Variants in OXR1 observed in about 807,000 individuals in gnomAD.
OXR1 encodes oxidation resistance 1.
In OXR1, 41 loss-of-function variants were observed where a neutral mutation model predicts 104.6. The observed-to-expected ratio is 0.39, with a 90% CI of 0.31 to 0.51. The LOEUF is 0.51. OXR1 is among the 20% of genes least tolerant of loss of function. The pLI is 0.77. For synonymous variants in OXR1, 348 were observed against 348.4 expected (o/e 1.00, Z 0.01); for missense variants, 955 against 1,031.9 (o/e 0.93, Z 1.02).
At position 106,734,962 on chromosome 8, in the gene OXR1, A is replaced by G. The variant is rs1834235353; in HGVS notation, c.1957-2558A>G. Among the ~76,000 whole-genome samples the G allele has an allele frequency of 3.9e-5, 6 of 152,182 alleles. No homozygotes were observed. In the South Asian group the frequency reaches 1.2e-3, roughly 32 times the overall value. ...TGGTTTTCTCAACTGTTTACTCCTAATAATTCAGAGCGTGATAAGGGATAT... is the reference window on the plus strand; with the variant it reads ...TGGTTTTCTCAACTGTTTACTCCTAGTAATTCAGAGCGTGATAAGGGATAT... On this transcript the variant is annotated intron_variant, in intron 11 of 16. Transcript: ENST00000517566.
At chr8:106,277,549 AAG>A (rs898244900) in intron 1 of OXR1, among the ~76,000 whole-genome samples, 35 of 152,216 alleles carry the variant, frequency 2.3e-4, no homozygotes, top group African/African-American at 7.5e-4. Flanking sequence ...GAGGAAAAAA[AAG>A]AGAGACATGA....
At chr8:106,634,455 A>G (rs1822967872) in intron 3 of OXR1, among the ~76,000 whole-genome samples, 1 of 152,216 alleles carries the variant, frequency 6.6e-6, no homozygotes, top group African/African-American at 2.4e-5. Flanking sequence ...TGTAGGTACT[A>G]TTATACCCAT....
At chr8:106,630,123 T>G (rs1242590190) in intron 3 of OXR1, among the ~76,000 whole-genome samples, 2 of 151,138 alleles carry the variant, frequency 1.3e-5, no homozygotes, top group African/African-American at 4.8e-5. Context: ...TCTGTAGATA[T>G]AAAAGGCAAA....
intron 2 of OXR1, among the ~76,000 whole-genome samples, chr8:106,489,576 G>T (rs1810938343): frequency 2.0e-5 from 3 of 151,960 alleles, no homozygotes; most frequent in Admixed American, 6.6e-5. Flanking sequence ...GCCATTTTGA[G>T]GACTGTATTG....
intron 3 of OXR1, among the ~76,000 whole-genome samples, chr8:106,624,966 A>AT (rs748555981): frequency 6.6e-6 from 1 of 151,822 alleles, no homozygotes; most frequent in Non-Finnish European, 1.5e-5. Context: ...TAATTTTTCT[A>AT]TTTTTTGTAG....
At chr8:106,328,411 G>A (rs1416683159) in intron 1 of OXR1, among the ~76,000 whole-genome samples, 1 of 152,152 alleles carries the variant, frequency 6.6e-6, no homozygotes, top group African/African-American at 2.4e-5. Context: ...ACAATAAAGG[G>A]AAAGATTATG....
intron 11 of OXR1, among the ~76,000 whole-genome samples, chr8:106,720,273 G>C (rs1001339155): frequency 3.9e-5 from 6 of 152,158 alleles, no homozygotes; most frequent in Admixed American, 1.3e-4. Flanking sequence ...TCACAAATCA[G>C]ACCAATTAAA....
chr8:106,610,101 A>AT (rs34420371), intron 3 of OXR1, among the ~76,000 whole-genome samples: 20,406 of 140,958 alleles, frequency 0.14, 1,572 homozygotes, highest in East Asian at 0.35. Flanking sequence ...CAACCTTTTG[A>AT]TTTTTTTTTT....
intron 2 of OXR1, among the ~76,000 whole-genome samples, chr8:106,426,920 T>G (rs1428290160): frequency 1.3e-5 from 2 of 152,338 alleles, no homozygotes; most frequent in East Asian, 3.9e-4. Context: ...TAGAAATATT[T>G]TTGAAATTAT....
intron 3 of OXR1, among the ~76,000 whole-genome samples, chr8:106,582,236 A>G (rs1418145922): frequency 6.8e-6 from 1 of 148,042 alleles, no homozygotes; most frequent in East Asian, 2.0e-4. Context: ...GAAGGTAAAT[A>G]CTGATCAAAA....
intron 2 of OXR1, among the ~76,000 whole-genome samples, chr8:106,443,231 C>T (rs1479850341): frequency 2.0e-5 from 3 of 152,102 alleles, no homozygotes; most frequent in Non-Finnish European, 1.5e-5. Flanking sequence ...GTTTCTTAAT[C>T]CTGAGTTCTA....
intron 1 of OXR1, among the ~76,000 whole-genome samples, chr8:106,316,685 C>G (rs1045565552): frequency 8.6e-6 from 1 of 116,488 alleles, no homozygotes; most frequent in Non-Finnish European, 1.7e-5. Context: ...GTTTTTCTCT[C>G]TTTTTTTCTA....
rs192326861 is a variant in OXR1, at chr8:106,445,890, T to C, written c.24-73053T>C. On this transcript the variant is annotated intron_variant, in intron 2 of 16. Transcript: ENST00000517566. ...GTTTGTGGAGCCAGGCTATGTCCTT[T>C]CTTAAAAACAAGTTGACTTTAATTT... Among the ~76,000 whole-genome samples the C allele has an allele frequency of 4.8e-3, 730 of 152,338 alleles. 2 individuals carry two copies. The highest frequency in any genetic ancestry group is 8.5e-3 in the Non-Finnish European group (576 of 68,030).
intron 2 of OXR1, among the ~76,000 whole-genome samples, chr8:106,421,717 A>G (rs1818913601): frequency 7.6e-6 from 1 of 131,328 alleles, no homozygotes; most frequent in Non-Finnish European, 1.6e-5. Context: ...ATAAATAAAC[A>G]TGAAGAAAGA....
chr8:106,660,197 G>A (rs908245975), intron 3 of OXR1, among the ~76,000 whole-genome samples: 1 of 152,316 alleles, frequency 6.6e-6, no homozygotes. Context: ...GAGAGGCAAC[G>A]TGTATATACA....
In OXR1 at chr8:106,274,867, C is replaced by T. The variant is rs115646816; in HGVS notation, c.-139+4500C>T. 9.7e-3 allele frequency among the ~76,000 whole-genome samples: 1,481 copies of T among 152,330 alleles called. 15 individuals carry two copies. Among genetic ancestry groups the T allele is most frequent in the African/African-American group, 0.032 (1,341 of 41,566 alleles). On this transcript the variant is annotated intron_variant, in intron 1 of 16. Coordinates refer to ENST00000517566, the MANE Select transcript of OXR1 (RefSeq NM_001198533.2). ...AAAGATGACTTCAGTGTAAGCAACA[C>T]TGGTACTGATAGAATGCACCTGTCA...
chr8:106,539,137 A>G (rs760803373), intron 3 of OXR1, among the ~76,000 whole-genome samples: 7 of 152,190 alleles, frequency 4.6e-5, no homozygotes, highest in Non-Finnish European at 8.8e-5. Context: ...TCAACTCTGT[A>G]TAAACCATAA....
chr8:106,367,317 C>A (rs142423802), intron 2 of OXR1, among the ~76,000 whole-genome samples: 4,816 of 152,080 alleles, frequency 0.032, 97 homozygotes, highest in South Asian at 0.11. Context: ...CCCGCCTTGG[C>A]CTCCCAAAGT....
At chr8:106,743,186 A>G (rs1455968700) in intron 15 of OXR1, among the ~76,000 whole-genome samples, 6 of 152,220 alleles carry the variant, frequency 3.9e-5, no homozygotes, top group Admixed American at 3.9e-4. Context: ...AAAGCTCAAC[A>G]TCACTGATCA....
Sources: gnomAD v4.1 joint callset for allele counts (sites outside exome capture counted in the v4.1 genomes callset) on GRCh38, gnomAD v4.1.1 for gene constraint, MANE v1.5 for transcripts, NCBI Gene and HGNC (gene_info 2026-07-23, HGNC 2026-07-21) for gene names.